Variants in DNMT1 observed in about 807,000 individuals in gnomAD.
DNMT1 encodes DNA methyltransferase 1.
Under a neutral mutation model 205.3 loss-of-function variants are expected in DNMT1, and 24 were observed. That is an observed-to-expected ratio of 0.12 (90% CI 0.08 to 0.16). DNMT1 has a LOEUF of 0.16. Among genes scored for constraint, DNMT1 ranks in the 10% least tolerant of loss-of-function variants. DNMT1 has a pLI of 1.00. For synonymous variants in DNMT1, 817 were observed against 839.8 expected (o/e 0.97, Z 0.47); for missense variants, 1,293 against 2,177.7 (o/e 0.59, Z 8.09).
intron 22 of DNMT1, among the ~76,000 whole-genome samples, chr19:10,152,936 CAAAA>C (rs34698448): frequency 2.8e-5 from 2 of 72,580 alleles, no homozygotes; most frequent in African/African-American, 4.5e-5. Context: ...CCTGTCTCTA[CAAAA>C]AAAAAAAAAA....
Position 10,194,843 on chromosome 19 carries a change from C to T in DNMT1, c.57G>A (p.Ser19=). ...RVPTLAVPAI[S]LPDDVRRRLK... ...ACCGCCTGCGGACATCGTCGGGCAG[C>T]GAGATGGCCGGGACGGCCAGTGTGG... Residue 19 remains serine (S), a synonymous_variant, in exon 1 of 41, where the codon TCG becomes TCA. Transcript: ENST00000359526. 1 of 1,611,686 alleles carries T rather than the reference C, an allele frequency of 6.2e-7. No individual in the cohort carries two copies. Among genetic ancestry groups the T allele is most frequent in the South Asian group, 1.1e-5 (1 of 90,896 alleles).
intron 5 of DNMT1, among the ~76,000 whole-genome samples, chr19:10,177,602 A>G (rs1280769111): frequency 6.6e-6 from 1 of 152,156 alleles, no homozygotes; most frequent in African/African-American, 2.4e-5. Context: ...AATGCTAAAG[A>G]AGGCCAGGAA....
At chr19:10,191,930 T>C (rs1483680707) in intron 1 of DNMT1, among the ~76,000 whole-genome samples, 3 of 152,046 alleles carry the variant, frequency 2.0e-5, no homozygotes, top group Non-Finnish European at 2.9e-5. Flanking sequence ...CAAGCGATTA[T>C]CCTGCCTCAG....
In DNMT1 at chr19:10,143,799, G is replaced by A. The variant is rs1282355438; in HGVS notation, c.3083C>T (p.Thr1028Ile). Residue 1028 changes from threonine (T) to isoleucine (I), a missense_variant, in exon 29 of 41, where the codon ACT becomes ATT. Thr to Ile is a moderately conservative substitution (Grantham distance 89). Around this residue, in one of 13 missense-constraint regions of DNMT1, gnomAD observed 167 missense variants for 258.1 expected, o/e 0.65. Transcript: ENST00000359526. ...PKKSNGRPNE[T>I]DIKIRVNKFY... ...CTTGTTGACCCGGATTTTGATGTCAGTCTCATTGGGCCTGCCGTTGCTCTT... is the reference window on the plus strand; with the variant it reads ...CTTGTTGACCCGGATTTTGATGTCAATCTCATTGGGCCTGCCGTTGCTCTT... The A allele has an allele frequency of 1.9e-6, 3 of 1,614,056 alleles. No homozygotes were observed. The highest frequency in any genetic ancestry group is 2.5e-6 in the Non-Finnish European group (3 of 1,180,032).
chr19:10,194,568 C>A (rs2039366954), intron 1 of DNMT1: 2 of 469,060 alleles, frequency 4.3e-6, no homozygotes, highest in Admixed American at 4.5e-5. Context: ...AAAAGAGAAC[C>A]CCCACCCCGC....
intron 39 of DNMT1, among the ~76,000 whole-genome samples, chr19:10,135,028 A>G (rs1199263355): frequency 1.3e-5 from 2 of 152,116 alleles, no homozygotes; most frequent in South Asian, 2.1e-4. Context: ...CCTGGCCAAC[A>G]TGGTGAAACC....
At chr19:10,141,829 T>A (rs1358643725) in intron 30 of DNMT1, 199 bp downstream of exon 30, 3 of 612,870 alleles carry the variant, frequency 4.9e-6, no homozygotes, top group Non-Finnish European at 8.5e-6. Flanking sequence ...ACCACTTGAA[T>A]CTCATACAAC....
Position 10,164,913 on chromosome 19 carries a change from TAAAAAAAAAAAAAAAAAAAAAAAAAAA to T in DNMT1, c.892-1580_892-1554del, listed in dbSNP as rs535161745. Among the ~76,000 whole-genome samples the T allele has an allele frequency of 6.8e-4, 23 of 34,046 alleles. 1 individual carries two copies. Among genetic ancestry groups the T allele is most frequent in the South Asian group, 3.3e-3 (2 of 608 alleles). 22.3% of individuals were successfully genotyped at this position (34,046 alleles called of 152,430 possible). A position where few individuals can be genotyped will look rare whatever the true frequency, so the allele number is the denominator to read the frequency against. ...ATTGCATGACAGAGAGAGACTATCT[TAAAAAAAAAAAAAAAAAAAAAAAAAAA>T]AAAAAAAAAAAAAAAAAGAACAAAC... On this transcript the variant is annotated intron_variant, in intron 11 of 40. Coordinates refer to ENST00000359526, the MANE Select transcript of DNMT1 (RefSeq NM_001130823.3).
rs533930898 is a variant in DNMT1 at position 10,146,096 on chromosome 19, G to A, written c.2894+255C>T. ...CCCCACTGCCTCGGCCTCCCAAAGCGCTGGGATTACAGGCGTGAGAAACCA... is the reference window on the plus strand; with the variant it reads ...CCCCACTGCCTCGGCCTCCCAAAGCACTGGGATTACAGGCGTGAGAAACCA... On this transcript the variant is annotated intron_variant, in intron 28 of 40. Coordinates refer to ENST00000359526, the MANE Select transcript of DNMT1 (RefSeq NM_001130823.3). This position sits in a 1 kb window ranked among gnomAD's most constrained non-coding sequence, Gnocchi z 4.4. Among the ~76,000 whole-genome samples the A allele has an allele frequency of 9.8e-4, 149 of 152,278 alleles. No homozygotes were observed. Among genetic ancestry groups the A allele is most frequent in the African/African-American group, 3.2e-3 (134 of 41,560 alleles).
chr19:10,173,305 C>G, intron 8 of DNMT1, 131 bp from the exon 9 acceptor site: 1 of 833,806 alleles, frequency 1.2e-6, no homozygotes, highest in Non-Finnish European at 2.0e-6. Flanking sequence ...GACACATACT[C>G]ATTTAACATT....
At chr19:10,173,996 T>G in intron 7 of DNMT1, 91 bp from the exon 8 acceptor site, 1 of 1,273,240 alleles carries the variant, frequency 7.9e-7, no homozygotes. Flanking sequence ...TATTAACACA[T>G]TTGACATGGT....
At position 10,133,456 on chromosome 19, in the gene DNMT1, C is replaced by G. The variant is rs772999851; in HGVS notation, c.*211G>C. On this transcript the variant is annotated 3_prime_UTR_variant, in exon 41 of 41. Transcript: ENST00000359526. The surrounding 1 kb of genome is among the most constrained non-coding windows in gnomAD (Gnocchi z 4.1). ...ATTTGATATAATGCATAATAAAAAACTTTTAAAATCCAGAATGCACAAAGT... is the reference window on the plus strand; with the variant it reads ...ATTTGATATAATGCATAATAAAAAAGTTTTAAAATCCAGAATGCACAAAGT... 7.3e-5 allele frequency: 44 copies of G among 606,160 alleles called. No individual in the cohort carries two copies. Among genetic ancestry groups the G allele is most frequent in the Non-Finnish European group, 1.2e-4 (42 of 343,172 alleles). 37.5% of individuals were successfully genotyped at this position (606,160 alleles called of 1,614,324 possible).
At chr19:10,165,005 C>T (rs2038658272) in intron 11 of DNMT1, among the ~76,000 whole-genome samples, 1 of 144,700 alleles carries the variant, frequency 6.9e-6, no homozygotes, top group Non-Finnish European at 1.5e-5. Flanking sequence ...TGTAATCCTA[C>T]CACTCCGCCA....
At chr19:10,155,115 C>T in intron 19 of DNMT1, 59 bp from the exon 20 acceptor site, 1 of 1,608,620 alleles carries the variant, frequency 6.2e-7, no homozygotes, top group Non-Finnish European at 8.5e-7. Flanking sequence ...CCTACAGTGG[C>T]CACAGGGCAT....
intron 34 of DNMT1, among the ~76,000 whole-genome samples, 155 bp downstream of exon 34, chr19:10,139,521 C>T (rs1305737186): frequency 1.3e-5 from 2 of 152,360 alleles, no homozygotes; most frequent in South Asian, 4.1e-4. Context: ...CGCATCTCCC[C>T]TGACTCCGCC....
chr19:10,177,152 CATAA>C (rs1267552240), intron 6 of DNMT1, 136 bp downstream of exon 6: 2 of 754,528 alleles, frequency 2.7e-6, no homozygotes, highest in Non-Finnish European at 4.5e-6. Flanking sequence ...AAATGCTATT[CATAA>C]ATGTCTAGAG....
chr19:10,165,287 T>C (rs2038665441), intron 11 of DNMT1, among the ~76,000 whole-genome samples: 1 of 152,152 alleles, frequency 6.6e-6, no homozygotes, highest in Admixed American at 6.6e-5. Flanking sequence ...TGGGGGACAG[T>C]GGCTCTTAGA....
chr19:10,176,757 C>T (rs1448987569), intron 6 of DNMT1, among the ~76,000 whole-genome samples: 1 of 151,986 alleles, frequency 6.6e-6, no homozygotes, highest in East Asian at 1.9e-4. Context: ...ACTCAGGAGG[C>T]TGAGGCAGGA....
chr19:10,186,607 G>C (rs1368096239), intron 1 of DNMT1, among the ~76,000 whole-genome samples: 18 of 152,010 alleles, frequency 1.2e-4, no homozygotes, highest in Non-Finnish European at 7.4e-5. Flanking sequence ...GGGAGGCCGA[G>C]GCGGGCGGAT....
Sources: allele counts gnomAD v4.1 joint callset (sites outside exome capture counted in the v4.1 genomes callset), GRCh38; gene constraint gnomAD v4.1.1; regional missense constraint gnomAD v4.1.1; non-coding constraint Gnocchi (gnomAD v3.1); transcripts MANE v1.5; gene names NCBI Gene and HGNC (gene_info 2026-07-23, HGNC 2026-07-21).